Variants in ARHGAP42 observed in about 807,000 individuals in gnomAD.
ARHGAP42 encodes the protein Rho GTPase activating protein 42.
ARHGAP42 carries 63 observed loss-of-function variants against 125.0 expected under a neutral mutation model. The observed-to-expected ratio is 0.50, with a 90% CI of 0.41 to 0.62. The LOEUF (loss-of-function observed/expected upper bound fraction) is 0.62. Among genes scored for constraint, ARHGAP42 ranks in the 20% least tolerant of loss-of-function variants. The pLI is 0.00. For missense variants in ARHGAP42, 766 were observed against 1,024.2 expected (o/e 0.75, Z 3.44); for synonymous variants, 339 against 351.0 (o/e 0.97, Z 0.38).
At chr11:100,950,941 A>G (rs1167965010) in intron 12 of ARHGAP42, among the ~76,000 whole-genome samples, 1 of 151,920 alleles carries the variant, frequency 6.6e-6, no homozygotes, top group Non-Finnish European at 1.5e-5. Flanking sequence ...GTCTCTAACT[A>G]TTGGCCTCAA....
At chr11:100,867,549 T>G (rs1415430124) in intron 4 of ARHGAP42, among the ~76,000 whole-genome samples, 3 of 152,220 alleles carry the variant, frequency 2.0e-5, no homozygotes, top group Non-Finnish European at 2.9e-5. Context: ...TTGAAGCGAG[T>G]TAGGACCGTG....
intron 1 of ARHGAP42, among the ~76,000 whole-genome samples, chr11:100,710,313 C>T (rs1465611720): frequency 3.3e-5 from 5 of 150,838 alleles, no homozygotes; most frequent in African/African-American, 7.3e-5. Context: ...CTGTAATCTC[C>T]ACCTCCCGGT....
chr11:100,702,020 T>C (rs1331965922), intron 1 of ARHGAP42, among the ~76,000 whole-genome samples: 3 of 151,988 alleles, frequency 2.0e-5, no homozygotes, highest in African/African-American at 7.3e-5. Context: ...CATGGTATAT[T>C]ACACCTGTAA....
At chr11:100,742,521 C>T (rs1677417364) in intron 1 of ARHGAP42, among the ~76,000 whole-genome samples, 1 of 152,186 alleles carries the variant, frequency 6.6e-6, no homozygotes, top group African/African-American at 2.4e-5. Context: ...TTTGAAGTAA[C>T]AGATCTTATT....
intron 2 of ARHGAP42, among the ~76,000 whole-genome samples, chr11:100,790,638 G>C (rs1163367432): frequency 1.3e-5 from 2 of 152,138 alleles, no homozygotes; most frequent in Non-Finnish European, 2.9e-5. Flanking sequence ...TAGAATAAGA[G>C]TTGGTATGTT....
At chr11:100,986,190 C>T in intron 22 of ARHGAP42, 1 of 432,264 alleles carries the variant, frequency 2.3e-6, no homozygotes, top group Non-Finnish European at 4.6e-6. Flanking sequence ...ATACTAACAC[C>T]ATGCAGACTT....
intron 4 of ARHGAP42, among the ~76,000 whole-genome samples, chr11:100,884,951 C>T (rs939509693): frequency 5.3e-5 from 8 of 152,086 alleles, no homozygotes; most frequent in Admixed American, 3.3e-4. Flanking sequence ...CCCTCCTGAC[C>T]GTATGCCTGA....
chr11:100,851,705 C>T (rs1035377012), intron 3 of ARHGAP42, among the ~76,000 whole-genome samples: 14 of 152,156 alleles, frequency 9.2e-5, no homozygotes, highest in African/African-American at 1.7e-4. Context: ...AATGTTTGCA[C>T]GATGACAAAA....
chr11:100,963,485 T>C (rs972657453), intron 16 of ARHGAP42, among the ~76,000 whole-genome samples: 3 of 152,158 alleles, frequency 2.0e-5, no homozygotes, highest in Non-Finnish European at 4.4e-5. Flanking sequence ...TTTTTCACAA[T>C]CCAAGAAATA....
chr11:100,796,519 G>T (rs767231961), intron 3 of ARHGAP42, among the ~76,000 whole-genome samples: 1 of 152,150 alleles, frequency 6.6e-6, no homozygotes, highest in Non-Finnish European at 1.5e-5. Flanking sequence ...AGTGAAGAAG[G>T]CATGTCAAAA....
Position 100,992,492 on chromosome 11 carries a change from CTT to C in ARHGAP42, c.*3694_*3695del. ...TTTGTTACCTTCCAAAATCAAGACACTTTTAAGAAACAAAGATAGTTTTCTGA... is the reference window on the plus strand; with the variant it reads ...TTTGTTACCTTCCAAAATCAAGACACTTAAGAAACAAAGATAGTTTTCTGA... On this transcript the variant is annotated 3_prime_UTR_variant, in exon 24 of 24. Coordinates refer to ENST00000298815, the MANE Select transcript of ARHGAP42 (RefSeq NM_152432.4). The C allele has an allele frequency of 6.2e-7, 1 of 1,614,098 alleles. No individual in the cohort carries two copies. The highest frequency in any genetic ancestry group is 8.5e-7 in the Non-Finnish European group (1 of 1,179,974).
At chr11:100,850,550 T>C (rs1865177642) in intron 3 of ARHGAP42, among the ~76,000 whole-genome samples, 1 of 152,210 alleles carries the variant, frequency 6.6e-6, no homozygotes, top group South Asian at 2.1e-4. Flanking sequence ...GTGGCTGTTA[T>C]GTGTTATGTA....
chr11:100,756,222 CAAAAA>C (rs56164175), intron 1 of ARHGAP42, among the ~76,000 whole-genome samples: 2 of 47,930 alleles, frequency 4.2e-5, no homozygotes, highest in African/African-American at 1.6e-4. Flanking sequence ...CTTGTCTCTA[CAAAAA>C]AAAAAAAAAA....
intron 1 of ARHGAP42, among the ~76,000 whole-genome samples, chr11:100,737,924 C>G (rs756713206): frequency 6.6e-6 from 1 of 152,104 alleles, no homozygotes; most frequent in African/African-American, 2.4e-5. Flanking sequence ...AAAGTAGGCA[C>G]GTGGTCATTT....
In ARHGAP42 at chr11:100,697,181, G is replaced by GTTT. The variant is rs58180649; in HGVS notation, c.154+9358_154+9360dup. On this transcript the variant is annotated intron_variant, in intron 1 of 23. Transcript: ENST00000298815. Reference sequence around the variant, plus strand: ...TGGAATTTCTTTTTTTGTTGTTTTGGTTTTTTTTTTTGTTTTTTTGAGACG... The same window carrying GTTT: ...TGGAATTTCTTTTTTTGTTGTTTTGGTTTTTTTTTTTTTTGTTTTTTTGAGACG... Among the ~76,000 whole-genome samples, 506 of 147,370 alleles carry GTTT rather than the reference G, an allele frequency of 3.4e-3. 3 individuals are homozygous for GTTT. The highest frequency in any genetic ancestry group is 0.012 in the African/African-American group (483 of 40,432).
intron 17 of ARHGAP42, 147 bp from the exon 18 acceptor site, chr11:100,973,028 A>T (rs1858294081): frequency 6.4e-6 from 4 of 629,848 alleles, no homozygotes; most frequent in Non-Finnish European, 1.0e-5. Context: ...GCCATACTCC[A>T]AATGCCAATT....
intron 3 of ARHGAP42, among the ~76,000 whole-genome samples, chr11:100,838,147 T>C (rs1227736795): frequency 6.6e-6 from 1 of 151,918 alleles, no homozygotes; most frequent in Non-Finnish European, 1.5e-5. Flanking sequence ...TGTAGAAATT[T>C]CCTCAATTTG....
At chr11:100,787,963 CTGAGGCAGAGA>C (rs1863474533) in intron 2 of ARHGAP42, among the ~76,000 whole-genome samples, 2 of 118,940 alleles carry the variant, frequency 1.7e-5, no homozygotes, top group Non-Finnish European at 3.8e-5. Flanking sequence ...TAGATAAGTG[CTGAGGCAGAGA>C]TGCCCCTAAC....
At chr11:100,888,335 A>G (rs569918373) in intron 4 of ARHGAP42, among the ~76,000 whole-genome samples, 1 of 152,258 alleles carries the variant, frequency 6.6e-6, no homozygotes, top group South Asian at 2.1e-4. Context: ...CATTTCTTGT[A>G]AAGTGCCAAA....
Sources: gnomAD v4.1 joint callset for allele counts (sites outside exome capture counted in the v4.1 genomes callset) on GRCh38, gnomAD v4.1.1 for gene constraint, MANE v1.5 for transcripts, NCBI Gene and HGNC (gene_info 2026-07-23, HGNC 2026-07-21) for gene names.